The following CTNNA3 variants were observed in gnomAD, a reference collection of about 807,000 sequenced individuals.
CTNNA3 encodes the protein catenin alpha 3.
A neutral mutation model predicts 95.7 loss-of-function variants in CTNNA3; 76 were observed. The ratio of observed to expected loss-of-function variants is 0.79; its 90% CI spans 0.66 to 0.96. The LOEUF is 0.96. CTNNA3 is among the 40% of genes least tolerant of loss of function. CTNNA3 has a pLI of 0.00. For synonymous variants in CTNNA3, 431 were observed against 374.4 expected, an observed-to-expected ratio of 1.15 and a Z score of -1.74; for missense variants, 1,191 against 1,089.8, an observed-to-expected ratio of 1.09 and a Z score of -1.31.
At chr10:67,153,722 T>C (rs557562073) in intron 7 of CTNNA3, among the ~76,000 whole-genome samples, 1 of 152,176 alleles carries the variant, frequency 6.6e-6, no homozygotes, top group Non-Finnish European at 1.5e-5. Context: ...GTTAATTTGC[T>C]AGCAAAACAC....
chr10:65,995,659 T>C (rs4121692), intron 15 of CTNNA3, among the ~76,000 whole-genome samples: 2,538 of 152,326 alleles, frequency 0.017, 75 homozygotes, highest in African/African-American at 0.058. Flanking sequence ...GTGGCAGTAT[T>C]GGGCCATGTG....
intron 6 of CTNNA3, among the ~76,000 whole-genome samples, chr10:67,198,220 T>G (rs143199137): frequency 1.6e-3 from 250 of 152,302 alleles, no homozygotes; most frequent in South Asian, 2.5e-3. Flanking sequence ...CATGATATGT[T>G]GTGATATCCT....
intron 12 of CTNNA3, among the ~76,000 whole-genome samples, chr10:66,364,475 A>T (rs192117701): frequency 1.1e-4 from 17 of 152,198 alleles, no homozygotes; most frequent in Admixed American, 8.5e-4. Flanking sequence ...CTTCTTAAGA[A>T]ATTAAAAACA....
chr10:65,999,927 CAAAA>C (rs34353272), intron 15 of CTNNA3, among the ~76,000 whole-genome samples: 1 of 127,812 alleles, frequency 7.8e-6, no homozygotes, highest in African/African-American at 2.8e-5. Flanking sequence ...CAATAATAAT[CAAAA>C]AAAAAAAAAA....
At chr10:67,654,539 C>T (rs187194532) in intron 1 of CTNNA3, among the ~76,000 whole-genome samples, 1 of 150,778 alleles carries the variant, frequency 6.6e-6, no homozygotes, top group East Asian at 2.0e-4. Context: ...AGCTGGAGTG[C>T]CAGTGGCGTG....
intron 12 of CTNNA3, among the ~76,000 whole-genome samples, chr10:66,325,969 G>GA (rs933291172): frequency 2.8e-4 from 42 of 152,206 alleles, no homozygotes; most frequent in African/African-American, 9.1e-4. Flanking sequence ...AGCCACTGTT[G>GA]AAAAATGGCT....
At chr10:66,293,943 G>A (rs2091733048) in intron 12 of CTNNA3, among the ~76,000 whole-genome samples, 1 of 151,874 alleles carries the variant, frequency 6.6e-6, no homozygotes, top group Non-Finnish European at 1.5e-5. Context: ...GAAATTACAG[G>A]CGTTAGCCAC....
intron 7 of CTNNA3, among the ~76,000 whole-genome samples, chr10:67,125,084 T>C (rs1247484086): frequency 6.6e-6 from 1 of 152,226 alleles, no homozygotes; most frequent in African/African-American, 2.4e-5. Flanking sequence ...GAAGAAAATA[T>C]TGATTCTTGC....
intron 11 of CTNNA3, among the ~76,000 whole-genome samples, chr10:66,411,532 T>G (rs2093105538): frequency 6.6e-6 from 1 of 151,958 alleles, no homozygotes; most frequent in Admixed American, 6.6e-5. Context: ...AATTCAAAAA[T>G]AAATTTAACA....
intron 7 of CTNNA3, among the ~76,000 whole-genome samples, chr10:66,977,379 T>C (rs1223504170): frequency 6.6e-6 from 1 of 151,286 alleles, no homozygotes; most frequent in Non-Finnish European, 1.5e-5. Flanking sequence ...GAGGTTGCAG[T>C]GAGCCAAGAT....
intron 7 of CTNNA3, among the ~76,000 whole-genome samples, chr10:67,058,877 A>G (rs1379761598): frequency 2.0e-5 from 3 of 152,196 alleles, no homozygotes. Context: ...AAATGAAGAT[A>G]CTTAGTATGA....
chr10:67,161,934 G>C (rs1168437447), intron 7 of CTNNA3, among the ~76,000 whole-genome samples: 1 of 152,064 alleles, frequency 6.6e-6, no homozygotes, highest in Non-Finnish European at 1.5e-5. Flanking sequence ...AGGAGAGAGG[G>C]AGACATTACA....
intron 5 of CTNNA3, among the ~76,000 whole-genome samples, chr10:67,519,582 C>T (rs1006647844): frequency 4.0e-4 from 61 of 152,064 alleles, no homozygotes; most frequent in Admixed American, 1.2e-3. Context: ...GCAACAACAC[C>T]ACCAATAATA....
chr10:66,002,221 GTTC>G (rs1235007924), intron 15 of CTNNA3, among the ~76,000 whole-genome samples: 2 of 152,146 alleles, frequency 1.3e-5, no homozygotes, highest in African/African-American at 2.4e-5. Flanking sequence ...AGGACACACT[GTTC>G]TTCTACTATT....
intron 15 of CTNNA3, among the ~76,000 whole-genome samples, chr10:66,042,468 G>A (rs1339165991): frequency 6.6e-6 from 1 of 151,994 alleles, no homozygotes; most frequent in East Asian, 1.9e-4. Flanking sequence ...AAAAAGAAAT[G>A]ACTGAGAGAT....
At chr10:66,193,860 A>G (rs2086807550) in intron 13 of CTNNA3, among the ~76,000 whole-genome samples, 1 of 152,172 alleles carries the variant, frequency 6.6e-6, no homozygotes, top group Non-Finnish European at 1.5e-5. Flanking sequence ...AATCAATAAG[A>G]ATTACGGGCA....
intron 11 of CTNNA3, among the ~76,000 whole-genome samples, chr10:66,475,330 GGGAAATGCTTTATGATATT>G (rs1839285283): frequency 6.6e-6 from 1 of 151,816 alleles, no homozygotes; most frequent in South Asian, 2.1e-4. Flanking sequence ...GAAAACATAG[GGGAAATGCTTTATGATATT>G]GGGGTCATTT....
intron 2 of CTNNA3, among the ~76,000 whole-genome samples, chr10:67,610,590 C>G (rs1049164771): frequency 2.6e-5 from 4 of 152,186 alleles, no homozygotes; most frequent in Admixed American, 1.3e-4. Flanking sequence ...CTCACCATAG[C>G]AGATGATTCT....
chr10:66,752,284 C>A (rs1839178810), intron 9 of CTNNA3, among the ~76,000 whole-genome samples: 1 of 151,932 alleles, frequency 6.6e-6, no homozygotes. Flanking sequence ...AGAGACATAC[C>A]CACACATATA....
Sources: allele counts gnomAD v4.1 joint callset (sites outside exome capture counted in the v4.1 genomes callset), GRCh38; gene constraint gnomAD v4.1.1; transcripts MANE v1.5; gene names NCBI Gene and HGNC (gene_info 2026-07-23, HGNC 2026-07-21).